Variants in PLCL2 observed in about 807,000 individuals in gnomAD.
PLCL2 encodes inactive phospholipase C-like protein 2.
A neutral mutation model predicts 79.6 loss-of-function variants in PLCL2; 4 were observed. That is an observed-to-expected ratio of 0.05 (90% CI 0.02 to 0.11). PLCL2 has a LOEUF of 0.11. Among genes scored for constraint, PLCL2 ranks in the 10% least tolerant of loss-of-function variants. The pLI is 1.00. For missense variants in PLCL2, 895 were observed against 1,291.0 expected, an observed-to-expected ratio of 0.69 and a Z score of 4.70; for synonymous variants, 484 against 457.7, an observed-to-expected ratio of 1.06 and a Z score of -0.73.
intron 5 of PLCL2, chr3:17,081,305 C>T: frequency 6.6e-6 from 3 of 455,156 alleles, no homozygotes; most frequent in Non-Finnish European, 1.3e-5. Flanking sequence ...TGTCTGCTGG[C>T]CCCCAGGGAA....
At chr3:16,945,960 C>G (rs532660873) in intron 1 of PLCL2, among the ~76,000 whole-genome samples, 33 of 152,192 alleles carry the variant, frequency 2.2e-4, no homozygotes, top group Non-Finnish European at 4.4e-4. Flanking sequence ...CTACTTTTCT[C>G]TTTTCCACCA....
chr3:16,964,234 T>C (rs1224866655), intron 1 of PLCL2, among the ~76,000 whole-genome samples: 3 of 144,108 alleles, frequency 2.1e-5, no homozygotes, highest in Admixed American at 7.0e-5. Flanking sequence ...AGTGTTCTCA[T>C]TGTTCAGTTG....
Position 16,885,379 on chromosome 3 carries a change from A to T in PLCL2, c.327+13A>T. On this transcript the variant is annotated intron_variant, in intron 1 of 5. Transcript: ENST00000615277. ...CAGCATCATCAAGGTAGGTGGGAGAAGGGCGCTCATCGCCCACCCTCAGCC... is the reference window on the plus strand; with the variant it reads ...CAGCATCATCAAGGTAGGTGGGAGATGGGCGCTCATCGCCCACCCTCAGCC... 3.4e-6 allele frequency: 2 copies of T among 594,412 alleles called. No individual in the cohort carries two copies. Among genetic ancestry groups the T allele is most frequent in the South Asian group, 1.9e-5 (1 of 53,054 alleles). The allele number at this position is 594,412 out of a possible 1,614,324, so 36.8% of individuals were successfully genotyped here. A position where few individuals can be genotyped will look rare whatever the true frequency, so the allele number is the denominator to read the frequency against.
At chr3:17,032,874 A>G (rs11719799) in intron 3 of PLCL2, among the ~76,000 whole-genome samples, 1 of 152,176 alleles carries the variant, frequency 6.6e-6, no homozygotes, top group African/African-American at 2.4e-5. Flanking sequence ...ACATTCAGAA[A>G]CTGCACTTAA....
At chr3:16,970,951 T>G (rs1367067548) in intron 1 of PLCL2, among the ~76,000 whole-genome samples, 2 of 152,166 alleles carry the variant, frequency 1.3e-5, no homozygotes, top group African/African-American at 2.4e-5. Context: ...CATTGTAGAT[T>G]CTGGATATTA....
chr3:16,946,214 C>T (rs994756262), intron 1 of PLCL2, among the ~76,000 whole-genome samples: 1 of 151,998 alleles, frequency 6.6e-6, no homozygotes, highest in East Asian at 1.9e-4. Context: ...GTTTAAATAG[C>T]GGGAAATGAG....
Position 17,023,335 on chromosome 3 carries a change from C to A in PLCL2, c.3018+8424C>A, listed in dbSNP as rs560269449. Among the ~76,000 whole-genome samples, 145 of 152,276 alleles carry A rather than the reference C, an allele frequency of 9.5e-4. 1 individual carries two copies. Among genetic ancestry groups the A allele is most frequent in the Non-Finnish European group, 1.7e-3 (114 of 68,016 alleles). ...CACTCTGTGATCTACGGGTTGTTTC[C>A]CCATGATATGGTTTGGCTGTGTCCC... On this transcript the variant is annotated intron_variant, in intron 3 of 5. Transcript: ENST00000615277.
intron 1 of PLCL2, among the ~76,000 whole-genome samples, chr3:16,986,330 G>A (rs780306085): frequency 6.6e-6 from 1 of 152,066 alleles, no homozygotes; most frequent in African/African-American, 2.4e-5. Context: ...TATTCACTAT[G>A]TTAGTTCCTT....
rs2063661611 is a variant in PLCL2, at chr3:16,952,342, G to A, written c.328-57332G>A. On this transcript the variant is annotated intron_variant, in intron 1 of 5. Coordinates refer to ENST00000615277, the MANE Select transcript of PLCL2 (RefSeq NM_001144382.2). The stretch of plus-strand genomic sequence containing the variant: ...TAGCAAACCTGCACGTTCTGCACAT[G>A]TATCCCAGAACTTAAAGCAAAAAAA... 2.9e-5 allele frequency among the ~76,000 whole-genome samples: 3 copies of A among 102,526 alleles called. No individual in the cohort carries two copies. In the South Asian group the frequency reaches 1.0e-3, roughly 35 times the overall value. 67.3% of individuals were successfully genotyped at this position (102,526 alleles called of 152,430 possible). A position where few individuals can be genotyped will look rare whatever the true frequency, so the allele number is the denominator to read the frequency against.
At chr3:17,034,081 G>T (rs1460460759) in intron 3 of PLCL2, among the ~76,000 whole-genome samples, 1 of 152,148 alleles carries the variant, frequency 6.6e-6, no homozygotes, top group Non-Finnish European at 1.5e-5. Context: ...AAAAATAATT[G>T]ATTCCCAGCT....
intron 5 of PLCL2, among the ~76,000 whole-genome samples, chr3:17,083,803 A>G (rs1464242093): frequency 2.0e-5 from 3 of 152,198 alleles, no homozygotes; most frequent in African/African-American, 7.2e-5. Flanking sequence ...CACTGCAAGA[A>G]TGGAGTTGCT....
chr3:16,959,906 C>T (rs57171322), intron 1 of PLCL2, among the ~76,000 whole-genome samples: 3,544 of 152,170 alleles, frequency 0.023, 134 homozygotes, highest in African/African-American at 0.08. Context: ...GGGATCAAGA[C>T]CATCCTGGCT....
chr3:17,019,258 T>C (rs2064420167), intron 3 of PLCL2, among the ~76,000 whole-genome samples: 1 of 152,170 alleles, frequency 6.6e-6, no homozygotes, highest in Admixed American at 6.6e-5. Flanking sequence ...AATCCAGGCT[T>C]GGACTGTAAC....
At chr3:16,949,453 T>A (rs1161528059) in intron 1 of PLCL2, among the ~76,000 whole-genome samples, 1 of 152,214 alleles carries the variant, frequency 6.6e-6, no homozygotes, top group East Asian at 1.9e-4. Context: ...TGATCCTATA[T>A]CCATTTTTAA....
chr3:17,019,749 A>G (rs2064428278), intron 3 of PLCL2, among the ~76,000 whole-genome samples: 1 of 152,228 alleles, frequency 6.6e-6, no homozygotes, highest in African/African-American at 2.4e-5. Context: ...AAAGAAATGC[A>G]ATCATAAATG....
chr3:17,017,587 G>T (rs2064399878), intron 3 of PLCL2, among the ~76,000 whole-genome samples: 1 of 152,038 alleles, frequency 6.6e-6, no homozygotes, highest in African/African-American at 2.4e-5. Flanking sequence ...TGTTGAGCTT[G>T]CCCCAAAATT....
chr3:16,934,890 ATAT>A (rs141053734), intron 1 of PLCL2, among the ~76,000 whole-genome samples: 3,174 of 152,322 alleles, frequency 0.021, 54 homozygotes, highest in South Asian at 0.043. Flanking sequence ...TGCATTTAAC[ATAT>A]TATTCTTGCA....
chr3:16,973,062 G>C (rs1330417642), intron 1 of PLCL2, among the ~76,000 whole-genome samples: 1 of 152,112 alleles, frequency 6.6e-6, no homozygotes, highest in Non-Finnish European at 1.5e-5. Flanking sequence ...TCGGTTGCGT[G>C]ATTGCTTTAT....
rs181378317 is a variant in PLCL2 at position 16,965,194 on chromosome 3, G to A, written c.328-44480G>A. Among the ~76,000 whole-genome samples the A allele has an allele frequency of 2.9e-3, 442 of 152,254 alleles. 3 individuals are homozygous for A. The highest frequency in any genetic ancestry group is 0.01 in the African/African-American group (423 of 41,526). On this transcript the variant is annotated intron_variant, in intron 1 of 5. Coordinates refer to ENST00000615277, the MANE Select transcript of PLCL2 (RefSeq NM_001144382.2). ...TTTAATCCATCTTGAATTAATTTTTGTATAAGGTATAAGGAAGGGATCCAG... is the reference window on the plus strand; with the variant it reads ...TTTAATCCATCTTGAATTAATTTTTATATAAGGTATAAGGAAGGGATCCAG...
Sources: allele counts gnomAD v4.1 joint callset (sites outside exome capture counted in the v4.1 genomes callset), GRCh38; gene constraint gnomAD v4.1.1; transcripts MANE v1.5; gene names NCBI Gene and HGNC (gene_info 2026-07-23, HGNC 2026-07-21).